FILIP1: variants seen among roughly 807,000 people sequenced by gnomAD.
FILIP1 encodes filamin A interacting protein 1.
A neutral mutation model predicts 102.1 loss-of-function variants in FILIP1; 61 were observed. The ratio of observed to expected loss-of-function variants is 0.60; its 90% CI spans 0.49 to 0.74. The LOEUF is 0.74. Among genes scored for constraint, FILIP1 ranks in the 30% least tolerant of loss-of-function variants. FILIP1 has a pLI of 0.00. For missense variants in FILIP1, 1,314 were observed against 1,441.2 expected, an observed-to-expected ratio of 0.91 and a Z score of 1.43; for synonymous variants, 491 against 526.9, an observed-to-expected ratio of 0.93 and a Z score of 0.93.
intron 2 of FILIP1, among the ~76,000 whole-genome samples, chr6:75,387,799 T>C (rs949419958): frequency 4.6e-5 from 7 of 152,204 alleles, no homozygotes; most frequent in African/African-American, 1.2e-4. Flanking sequence ...GTGAGATGGA[T>C]AGATTGCAAA....
chr6:75,317,046 G>T (rs572082365), intron 4 of FILIP1, among the ~76,000 whole-genome samples: 18 of 152,232 alleles, frequency 1.2e-4, no homozygotes, highest in African/African-American at 4.1e-4. Flanking sequence ...ATATTTTTAG[G>T]AATACTATGC....
At chr6:75,474,599 T>C in intron 1 of FILIP1, among the ~76,000 whole-genome samples, 1 of 151,984 alleles carries the variant, frequency 6.6e-6, no homozygotes, top group Middle Eastern at 3.2e-3. Context: ...GCTTGGGAGG[T>C]CTGCAGTTGA....
chr6:75,366,722 G>T (rs1376111829), intron 2 of FILIP1, among the ~76,000 whole-genome samples: 1 of 152,028 alleles, frequency 6.6e-6, no homozygotes, highest in African/African-American at 2.4e-5. Context: ...TTGCTGCAGG[G>T]GTAGAAAAGG....
intron 4 of FILIP1, among the ~76,000 whole-genome samples, chr6:75,341,543 C>G (rs1352213961): frequency 6.6e-6 from 1 of 152,010 alleles, no homozygotes; most frequent in Non-Finnish European, 1.5e-5. Flanking sequence ...CTCTAGGTAG[C>G]ATTTAAGATA....
chr6:75,370,052 C>T (rs1287275266), intron 2 of FILIP1, among the ~76,000 whole-genome samples: 1 of 152,200 alleles, frequency 6.6e-6, no homozygotes, highest in African/African-American at 2.4e-5. Context: ...AAGGACAAAT[C>T]CATTTCTATG....
intron 4 of FILIP1, among the ~76,000 whole-genome samples, chr6:75,323,512 G>C (rs1319851346): frequency 6.6e-6 from 1 of 152,184 alleles, no homozygotes. Context: ...TCTTAAGGCA[G>C]AAAGAGGTGG....
chr6:75,453,871 C>G (rs558400886), intron 1 of FILIP1: 5 of 440,734 alleles, frequency 1.1e-5, no homozygotes, highest in South Asian at 8.1e-5. Flanking sequence ...GGGGCCATGT[C>G]ATGTGATGCA....
intron 1 of FILIP1, among the ~76,000 whole-genome samples, chr6:75,435,194 G>T (rs1419136012): frequency 6.6e-6 from 1 of 152,124 alleles, no homozygotes. Context: ...GATAATGCTG[G>T]CCTCATAAAA....
At chr6:75,471,024 G>C (rs1304217287) in intron 1 of FILIP1, among the ~76,000 whole-genome samples, 1 of 151,976 alleles carries the variant, frequency 6.6e-6, no homozygotes, top group Admixed American at 6.6e-5. Flanking sequence ...GCCAGGAATA[G>C]TGGTAAACAC....
intron 2 of FILIP1, among the ~76,000 whole-genome samples, chr6:75,405,618 T>C (rs768839618): frequency 6.6e-6 from 1 of 152,194 alleles, no homozygotes; most frequent in African/African-American, 2.4e-5. Context: ...CCCTTACAGA[T>C]AGAGCAATGG....
chr6:75,430,637 T>C (rs1387970658), intron 1 of FILIP1, among the ~76,000 whole-genome samples: 1 of 152,168 alleles, frequency 6.6e-6, no homozygotes, highest in Non-Finnish European at 1.5e-5. Context: ...AAAGAAAGCT[T>C]GGGACATGCT....
intron 2 of FILIP1, among the ~76,000 whole-genome samples, chr6:75,392,991 G>A (rs771601431): frequency 6.6e-6 from 1 of 152,156 alleles, no homozygotes; most frequent in Non-Finnish European, 1.5e-5. Flanking sequence ...CCAGTCTCAG[G>A]TATGTCTTTA....
intron 1 of FILIP1, among the ~76,000 whole-genome samples, chr6:75,421,455 C>G (rs1489710868): frequency 1.3e-5 from 2 of 152,140 alleles, no homozygotes; most frequent in Non-Finnish European, 1.5e-5. Context: ...TTAGGAAATA[C>G]TCATGAGACT....
chr6:75,468,653 C>A (rs959422741), intron 1 of FILIP1, among the ~76,000 whole-genome samples: 2 of 152,158 alleles, frequency 1.3e-5, no homozygotes, highest in African/African-American at 4.8e-5. Flanking sequence ...AATGCTCCAT[C>A]ATCCACCCAA....
At position 75,308,608 on chromosome 6, in the gene FILIP1, G is replaced by A. The variant is rs1047212581; in HGVS notation, c.*83C>T. ...ATATTTAAAACTTAAATTAGTACAT[G>A]TAAAGAACTGGCACAAACAGATGAA... On this transcript the variant is annotated 3_prime_UTR_variant, in exon 6 of 6. Transcript: ENST00000237172. 6 of 1,575,484 alleles carry A rather than the reference G, an allele frequency of 3.8e-6. No individual in the cohort carries two copies. Among genetic ancestry groups the A allele is most frequent in the South Asian group, 1.2e-5 (1 of 85,920 alleles).
intron 4 of FILIP1, among the ~76,000 whole-genome samples, chr6:75,339,141 C>T (rs1196604012): frequency 2.0e-5 from 3 of 152,174 alleles, no homozygotes; most frequent in Non-Finnish European, 4.4e-5. Context: ...ACTAGTTGTT[C>T]ACTGTCTAAA....
At chr6:75,376,716 T>C (rs1354156906) in intron 2 of FILIP1, among the ~76,000 whole-genome samples, 1 of 152,204 alleles carries the variant, frequency 6.6e-6, no homozygotes, top group Non-Finnish European at 1.5e-5. Context: ...TTTTTTCTCA[T>C]CCCTGTTGTT....
chr6:75,362,619 TTGTATATTAG>T, intron 3 of FILIP1, 115 bp downstream of exon 3: 2 of 748,936 alleles, frequency 2.7e-6, no homozygotes, highest in Non-Finnish European at 2.1e-6. Context: ...TACACTTTAA[TTGTATATTAG>T]TGTATCATCA....
intron 4 of FILIP1, among the ~76,000 whole-genome samples, chr6:75,340,080 C>T (rs1282400918): frequency 6.6e-6 from 1 of 151,988 alleles, no homozygotes; most frequent in Non-Finnish European, 1.5e-5. Context: ...CCAGCACTTC[C>T]TCTCCCAAAG....
Sources: gnomAD v4.1 joint callset for allele counts (sites outside exome capture counted in the v4.1 genomes callset) on GRCh38, gnomAD v4.1.1 for gene constraint, MANE v1.5 for transcripts, NCBI Gene and HGNC (gene_info 2026-07-23, HGNC 2026-07-21) for gene names.